Variants in PIK3C2B observed in about 807,000 individuals in gnomAD.
PIK3C2B encodes phosphatidylinositol-4-phosphate 3-kinase catalytic subunit type 2 beta.
PIK3C2B carries 83 observed loss-of-function variants against 184.3 expected under a neutral mutation model. That is an observed-to-expected ratio of 0.45 (90% CI 0.38 to 0.54). The LOEUF (loss-of-function observed/expected upper bound fraction) is 0.54. Among genes scored for constraint, PIK3C2B ranks in the 20% least tolerant of loss-of-function variants. The probability of loss-of-function intolerance (pLI) is 0.00; values close to 1 mark genes in which losing one functional copy is unlikely to be tolerated. For synonymous variants in PIK3C2B, 779 were observed against 837.6 expected, an observed-to-expected ratio of 0.93 and a Z score of 1.21; for missense variants, 1,736 against 2,113.5, an observed-to-expected ratio of 0.82 and a Z score of 3.50.
intron 11 of PIK3C2B, among the ~76,000 whole-genome samples, chr1:204,455,290 A>G (rs1654741568): frequency 1.3e-5 from 2 of 151,660 alleles, no homozygotes; most frequent in African/African-American, 4.8e-5. Context: ...GCCCAGAGGA[A>G]TACATTAAGT....
rs1468137476 is a variant in PIK3C2B, at chr1:204,433,257, C to A, written c.3953+59G>T. Reference sequence around the variant, plus strand: ...TTCCCCAGTCCTCCTCCTGCCAATCCGGCAGGCTGGGAATTACTCAGGGTG... The same window carrying A: ...TTCCCCAGTCCTCCTCCTGCCAATCAGGCAGGCTGGGAATTACTCAGGGTG... On this transcript the variant is annotated intron_variant, in intron 26 of 32. Coordinates refer to ENST00000684373, the MANE Select transcript of PIK3C2B (RefSeq NM_001377334.1). This position sits in a 1 kb window ranked among gnomAD's most constrained non-coding sequence, Gnocchi z 5.0. The A allele has an allele frequency of 2.1e-6, 2 of 939,580 alleles. No homozygotes were observed. The highest frequency in any genetic ancestry group is 1.7e-6 in the Non-Finnish European group (1 of 582,548). 58.2% of individuals were successfully genotyped at this position (939,580 alleles called of 1,614,324 possible). A position where few individuals can be genotyped will look rare whatever the true frequency, so the allele number is the denominator to read the frequency against.
At chr1:204,465,354 T>G in intron 2 of PIK3C2B, 35 bp from the exon 3 acceptor site, 1 of 1,360,388 alleles carries the variant, frequency 7.4e-7, no homozygotes, top group Non-Finnish European at 1.1e-6. Context: ...AGTGCCTTTT[T>G]CCTCGTGGTG....
chr1:204,463,976 A>C (rs376077668), intron 5 of PIK3C2B, 36 bp downstream of exon 5: 10 of 1,607,142 alleles, frequency 6.2e-6, no homozygotes, highest in Non-Finnish European at 8.5e-6. Context: ...TCTTACTACC[A>C]GGAAGGCAGG....
intron 24 of PIK3C2B, among the ~76,000 whole-genome samples, 191 bp downstream of exon 24, chr1:204,434,248 C>T (rs1675223714): frequency 6.6e-6 from 1 of 152,174 alleles, no homozygotes. Flanking sequence ...ACAGCTGGTC[C>T]CCGCATTCTT....
At chr1:204,457,606 T>C in intron 9 of PIK3C2B, 122 bp downstream of exon 9, 1 of 875,570 alleles carries the variant, frequency 1.1e-6, no homozygotes, top group Non-Finnish European at 1.7e-6. Flanking sequence ...ACATAAAAGA[T>C]GGAGGTGGAG....
In PIK3C2B at chr1:204,432,238, A is replaced by G; in HGVS notation, c.4117T>C (p.Cys1373Arg). 1 of 1,614,166 alleles carries G rather than the reference A, an allele frequency of 6.2e-7. No individual in the cohort carries two copies. The highest frequency in any genetic ancestry group is 8.5e-7 in the Non-Finnish European group (1 of 1,180,022). The change falls in exon 27 of 33, where the codon TGC becomes CGC. Residue 1373 changes from cysteine to arginine, a missense_variant. By Grantham distance (180) the Cys-to-Arg change is radical. Transcript: ENST00000684373. The stretch of plus-strand genomic sequence containing the variant: ...GGGTGGAAGATCTTCTCATGGCGGC[A>G]GAGGAAAACATCACTGATTCGGCCA... ...SSGRISDVFLCRHEKIFHPNK... is the reference protein window; with the variant it reads ...SSGRISDVFLRRHEKIFHPNK...
In PIK3C2B at chr1:204,446,148, G is replaced by C. The variant is rs905057065; in HGVS notation, c.2490-4C>G. The C allele has an allele frequency of 1.5e-5, 23 of 1,540,598 alleles. No individual in the cohort carries two copies. Among genetic ancestry groups the C allele is most frequent in the Non-Finnish European group, 1.8e-5 (21 of 1,136,970 alleles). On this transcript the variant is annotated splice_region_variant and splice_polypyrimidine_tract_variant and intron_variant, in intron 15 of 32. Coordinates refer to ENST00000684373, the MANE Select transcript of PIK3C2B (RefSeq NM_001377334.1). ...CTTCTTGTCAGCATCAGTGAGCCTG[G>C]TGGGCACACGGAAAGGAGAAGGTGG... is the stretch of plus-strand genomic sequence containing the variant.
intron 1 of PIK3C2B, among the ~76,000 whole-genome samples, chr1:204,481,447 C>T (rs781644869): frequency 2.0e-5 from 3 of 151,930 alleles, no homozygotes; most frequent in East Asian, 1.9e-4. Flanking sequence ...TTAGTAGACA[C>T]GGGGTTTCAT....
chr1:204,440,148 C>T (rs1675567811), intron 22 of PIK3C2B, 44 bp downstream of exon 22: 4 of 1,577,570 alleles, frequency 2.5e-6, no homozygotes, highest in East Asian at 2.4e-5. Flanking sequence ...GGACAATAAG[C>T]AAAGCGGTCC....
At chr1:204,493,277 G>A (rs1348020296) in intron 1 of PIK3C2B, among the ~76,000 whole-genome samples, 2 of 152,162 alleles carry the variant, frequency 1.3e-5, no homozygotes, top group Non-Finnish European at 2.9e-5. Context: ...GGGCAGCATT[G>A]GCCCACTTCT....
intron 20 of PIK3C2B, among the ~76,000 whole-genome samples, chr1:204,441,929 A>T (rs1039938908): frequency 6.6e-6 from 1 of 152,170 alleles, no homozygotes; most frequent in Non-Finnish European, 1.5e-5. Context: ...AGTTGTGAAG[A>T]TGAAATGCCA....
Position 204,425,754 on chromosome 1 carries a change from G to A in PIK3C2B, c.4588-13C>T, listed in dbSNP as rs769556216. The A allele has an allele frequency of 1.5e-4, 237 of 1,604,308 alleles. 2 individuals carry two copies. The Middle Eastern group carries it at 4.8e-3, about 33-fold the overall frequency. On this transcript the variant is annotated splice_polypyrimidine_tract_variant and intron_variant, in intron 31 of 32. Transcript: ENST00000684373. The stretch of plus-strand genomic sequence containing the variant: ...CCTGGAGCAGTTGCTACAATAGAAT[G>A]AGAACCAAAAAAATGTTAAGATTTT...
At chr1:204,485,211 G>A (rs947700566) in intron 1 of PIK3C2B, among the ~76,000 whole-genome samples, 3 of 151,878 alleles carry the variant, frequency 2.0e-5, no homozygotes, top group Admixed American at 6.6e-5. Context: ...ACTGCACCCA[G>A]CTATCTCTCC....
At chr1:204,446,473 T>C (rs1007598580) in intron 15 of PIK3C2B, among the ~76,000 whole-genome samples, 2 of 152,180 alleles carry the variant, frequency 1.3e-5, no homozygotes, top group Non-Finnish European at 2.9e-5. Flanking sequence ...CTCAGGGACA[T>C]CTTGGATGGA....
chr1:204,459,884 C>T lies in PIK3C2B; in HGVS notation c.1560G>A (p.Leu520=). The change falls in exon 8 of 33, where the codon CTG becomes CTA. Residue 520 remains leucine, a synonymous_variant. Coordinates refer to ENST00000684373, the MANE Select transcript of PIK3C2B (RefSeq NM_001377334.1). ...CCCCTGGATTCGTACTCACATCAGC[C>T]AGCAGGAAGGCATCCACCTCATTGT... ...TYHNEVDAFL[L]ADGDFPLKAD... is the part of the protein sequence containing the mutation. 6 of 1,613,648 alleles carry T rather than the reference C, an allele frequency of 3.7e-6. No homozygotes were observed. Among genetic ancestry groups the T allele is most frequent in the Non-Finnish European group, 5.1e-6 (6 of 1,179,876 alleles).
chr1:204,449,410 C>T, intron 13 of PIK3C2B, 114 bp from the exon 14 acceptor site: 1 of 759,328 alleles, frequency 1.3e-6, no homozygotes, highest in Non-Finnish European at 2.2e-6. Flanking sequence ...ATCCAACTCC[C>T]CTCTCATTCT....
chr1:204,493,276 T>C lies in PIK3C2B; in HGVS notation c.-85+1080A>G, dbSNP rs565387955. 7.2e-5 allele frequency among the ~76,000 whole-genome samples: 11 copies of C among 152,238 alleles called. No homozygotes were observed. In the East Asian group the frequency reaches 1.7e-3, roughly 24 times the overall value. On this transcript the variant is annotated intron_variant, in intron 1 of 32. Coordinates refer to ENST00000684373, the MANE Select transcript of PIK3C2B (RefSeq NM_001377334.1). Reference sequence around the variant, plus strand: ...TTAGAGCAAGGAGGAGGGGCAGCATTGGCCCACTTCTTGGAGCCCGGGTAG... The same window carrying C: ...TTAGAGCAAGGAGGAGGGGCAGCATCGGCCCACTTCTTGGAGCCCGGGTAG...
At chr1:204,451,787 C>G (rs1654382874) in intron 12 of PIK3C2B, among the ~76,000 whole-genome samples, 1 of 152,204 alleles carries the variant, frequency 6.6e-6, no homozygotes, top group Non-Finnish European at 1.5e-5. Flanking sequence ...CACGTATCCC[C>G]ATGTATCAGC....
chr1:204,444,299 A>T, intron 17 of PIK3C2B, 32 bp downstream of exon 17: 1 of 1,579,040 alleles, frequency 6.3e-7, no homozygotes, highest in Non-Finnish European at 8.7e-7. Context: ...GGATGGGACC[A>T]GCAAAACTGG....
Sources: gnomAD v4.1 joint callset for allele counts (sites outside exome capture counted in the v4.1 genomes callset) on GRCh38, gnomAD v4.1.1 for gene constraint, Gnocchi (gnomAD v3.1) non-coding constraint, MANE v1.5 for transcripts, NCBI Gene and HGNC (gene_info 2026-07-23, HGNC 2026-07-21) for gene names.